The following GPATCH2 variants were observed in gnomAD, a reference collection of about 807,000 sequenced individuals.
GPATCH2 encodes the protein G-patch domain containing 2.
Under a neutral mutation model 58.0 loss-of-function variants are expected in GPATCH2, and 51 were observed. The ratio of observed to expected loss-of-function variants is 0.88; its 90% confidence interval spans 0.70 to 1.11. The LOEUF (loss-of-function observed/expected upper bound fraction) is 1.11, where lower values mean the gene tolerates loss of function less well. GPATCH2 is among the 50% of genes most tolerant of loss of function. GPATCH2 has a pLI of 0.00. For synonymous variants in GPATCH2, 222 were observed against 218.5 expected (o/e 1.02, Z -0.14); for missense variants, 625 against 652.2 (o/e 0.96, Z 0.45).
At chr1:217,482,651 G>T (rs367685045) in intron 8 of GPATCH2, among the ~76,000 whole-genome samples, 2 of 152,144 alleles carry the variant, frequency 1.3e-5, no homozygotes, top group East Asian at 1.9e-4. Flanking sequence ...AAAAAGAAAA[G>T]ACTTCAGTTT....
At chr1:217,531,910 A>G (rs1286016194) in intron 5 of GPATCH2, among the ~76,000 whole-genome samples, 2 of 152,232 alleles carry the variant, frequency 1.3e-5, no homozygotes, top group South Asian at 2.1e-4. Context: ...GTATGCATCA[A>G]TATAATTAAG....
intron 9 of GPATCH2, among the ~76,000 whole-genome samples, chr1:217,446,735 T>C (rs1659403234): frequency 6.6e-6 from 1 of 152,142 alleles, no homozygotes; most frequent in Non-Finnish European, 1.5e-5. Context: ...TTTTGAAATA[T>C]AAAATCTGGT....
At chr1:217,612,966 C>A (rs1668701544) in intron 3 of GPATCH2, among the ~76,000 whole-genome samples, 1 of 152,070 alleles carries the variant, frequency 6.6e-6, no homozygotes, top group African/African-American at 2.4e-5. Context: ...TAAATGCTGG[C>A]ATATCATTCT....
In GPATCH2 at chr1:217,624,451, A is replaced by T. The variant is rs531808744; in HGVS notation, c.57-3952T>A. Among the ~76,000 whole-genome samples, 19 of 152,328 alleles carry T rather than the reference A, an allele frequency of 1.2e-4. No individual in the cohort carries two copies. The East Asian group carries it at 3.7e-3, about 29-fold the overall frequency. On this transcript the variant is annotated intron_variant, in intron 1 of 9. Coordinates refer to ENST00000366935, the MANE Select transcript of GPATCH2 (RefSeq NM_018040.5). Reference sequence around the variant, plus strand: ...GAGAATCACTTGAACCAGGAGGCGGAGGCTGTAGTGAGCCAAGATCATGCC... The same window carrying T: ...GAGAATCACTTGAACCAGGAGGCGGTGGCTGTAGTGAGCCAAGATCATGCC...
intron 5 of GPATCH2, among the ~76,000 whole-genome samples, chr1:217,517,242 A>G (rs773104531): frequency 1.3e-4 from 20 of 152,116 alleles, no homozygotes; most frequent in Non-Finnish European, 2.2e-4. Context: ...ACTATCCTTT[A>G]TTGTTATTTT....
chr1:217,507,218 A>T (rs1261905462), intron 6 of GPATCH2, among the ~76,000 whole-genome samples: 1 of 152,186 alleles, frequency 6.6e-6, no homozygotes, highest in Non-Finnish European at 1.5e-5. Flanking sequence ...ATGAAGGTAA[A>T]AGAATGAGAA....
intron 5 of GPATCH2, among the ~76,000 whole-genome samples, chr1:217,537,239 C>T (rs1664519984): frequency 6.6e-6 from 1 of 152,102 alleles, no homozygotes; most frequent in Admixed American, 6.5e-5. Flanking sequence ...TAATAACGCA[C>T]TTTACCGTAT....
rs199844515 is a variant in GPATCH2 at position 217,510,592 on chromosome 1, A to ACGT, written c.1166+4227_1166+4229dup. Reference sequence around the variant, plus strand: ...CCCCAAAATTAGTTCATTGATGAGTACGTCTTTTAGTGCCAATTCTATCAC... The same window carrying ACGT: ...CCCCAAAATTAGTTCATTGATGAGTACGTCGTCTTTTAGTGCCAATTCTATCAC... On this transcript the variant is annotated intron_variant, in intron 6 of 9. Coordinates refer to ENST00000366935, the MANE Select transcript of GPATCH2 (RefSeq NM_018040.5). Among the ~76,000 whole-genome samples, 1,320 of 152,190 alleles carry ACGT rather than the reference A, an allele frequency of 8.7e-3. 18 individuals carry two copies. The highest frequency in any genetic ancestry group is 0.03 in the African/African-American group (1,258 of 41,532).
At chr1:217,594,533 C>G (rs1488216814) in intron 5 of GPATCH2, among the ~76,000 whole-genome samples, 1 of 151,940 alleles carries the variant, frequency 6.6e-6, no homozygotes, top group African/African-American at 2.4e-5. Flanking sequence ...AGTAACCTGT[C>G]AAATGAGTAA....
At chr1:217,468,280 G>C (rs1660552389) in intron 8 of GPATCH2, among the ~76,000 whole-genome samples, 1 of 152,074 alleles carries the variant, frequency 6.6e-6, no homozygotes, top group South Asian at 2.1e-4. Flanking sequence ...ATATAAGTGA[G>C]GGAAGTACAC....
intron 5 of GPATCH2, among the ~76,000 whole-genome samples, chr1:217,539,525 C>A (rs1198736091): frequency 1.3e-5 from 2 of 152,184 alleles, no homozygotes; most frequent in Non-Finnish European, 1.5e-5. Flanking sequence ...AATTTGGTCT[C>A]AGCACTCCCA....
intron 5 of GPATCH2, among the ~76,000 whole-genome samples, chr1:217,592,125 C>T (rs911451984): frequency 2.6e-5 from 4 of 152,094 alleles, no homozygotes; most frequent in Middle Eastern, 3.4e-3. Flanking sequence ...TTGCCATGTA[C>T]GTAGCCCAAA....
At chr1:217,516,629 T>A (rs1663166128) in intron 5 of GPATCH2, among the ~76,000 whole-genome samples, 1 of 152,200 alleles carries the variant, frequency 6.6e-6, no homozygotes, top group Non-Finnish European at 1.5e-5. Context: ...AGGTTCATGA[T>A]CACATTATCT....
At chr1:217,537,411 G>C (rs1008066569) in intron 5 of GPATCH2, among the ~76,000 whole-genome samples, 2 of 151,968 alleles carry the variant, frequency 1.3e-5, no homozygotes, top group Non-Finnish European at 2.9e-5. Context: ...TTAAGTATGA[G>C]ATAGGAAAGA....
intron 2 of GPATCH2, among the ~76,000 whole-genome samples, chr1:217,617,913 T>C (rs900171417): frequency 6.6e-6 from 1 of 152,012 alleles, no homozygotes; most frequent in Non-Finnish European, 1.5e-5. Flanking sequence ...TGATCTCATA[T>C]CCATTACCAG....
Position 217,449,289 on chromosome 1 carries a change from C to G in GPATCH2, c.1326G>C (p.Arg442=), listed in dbSNP as rs769631957. The G allele has an allele frequency of 1.2e-6, 2 of 1,610,642 alleles. No individual in the cohort carries two copies. The change falls in exon 9 of 10, where the codon CGG becomes CGC. Residue 442 remains arginine, a synonymous_variant. Transcript: ENST00000366935. The part of the protein sequence containing the change: ...LGSLCTGDIK[R]RRKAAPLPGP... ...CAGGCAAAGGTGCAGCTTTTCTTCT[C>G]CGTTTGATATCTCCCGTGCATAAGG... is the stretch of plus-strand genomic sequence containing the variant.
intron 6 of GPATCH2, among the ~76,000 whole-genome samples, chr1:217,509,761 AAG>A (rs1246541531): frequency 6.6e-6 from 1 of 152,216 alleles, no homozygotes; most frequent in African/African-American, 2.4e-5. Flanking sequence ...TGTACATTGT[AAG>A]AGATTCAAAG....
chr1:217,490,219 C>T (rs114664976), intron 8 of GPATCH2, among the ~76,000 whole-genome samples: 648 of 152,204 alleles, frequency 4.3e-3, no homozygotes, highest in Non-Finnish European at 5.6e-3. Context: ...CTGGCCTTAC[C>T]GATGCTACTG....
intron 5 of GPATCH2, among the ~76,000 whole-genome samples, chr1:217,601,102 T>C (rs763262098): frequency 1.8e-4 from 28 of 152,114 alleles, no homozygotes; most frequent in Non-Finnish European, 3.1e-4. Flanking sequence ...AAAAGACTAG[T>C]TGTACTGCAT....
Sources: gnomAD v4.1 joint callset for allele counts (sites outside exome capture counted in the v4.1 genomes callset) on GRCh38, gnomAD v4.1.1 for gene constraint, MANE v1.5 for transcripts, NCBI Gene and HGNC (gene_info 2026-07-23, HGNC 2026-07-21) for gene names.